Variants in HS6ST3 observed in about 807,000 individuals in gnomAD.
The protein encoded by HS6ST3 is heparan sulfate 6-O-sulfotransferase 3.
HS6ST3 carries 12 observed loss-of-function variants against 36.7 expected under a neutral mutation model. The ratio of observed to expected loss-of-function variants is 0.33; its 90% confidence interval spans 0.21 to 0.53. The LOEUF (loss-of-function observed/expected upper bound fraction) is 0.53, where lower values mean the gene tolerates loss of function less well. HS6ST3 is among the 20% of genes least tolerant of loss of function. The probability of loss-of-function intolerance (pLI) is 0.95; values close to 1 mark genes in which losing one functional copy is unlikely to be tolerated. For synonymous variants in HS6ST3, 240 were observed against 257.5 expected (o/e 0.93, Z 0.65); for missense variants, 584 against 640.9 (o/e 0.91, Z 0.96).
At chr13:96,523,646 A>T (rs950345854) in intron 1 of HS6ST3, among the ~76,000 whole-genome samples, 1 of 151,356 alleles carries the variant, frequency 6.6e-6, no homozygotes, top group Non-Finnish European at 1.5e-5. Context: ...CCTTTCTTCC[A>T]CTTGATTGAA....
intron 1 of HS6ST3, among the ~76,000 whole-genome samples, chr13:96,508,376 T>A (rs539362033): frequency 5.3e-5 from 8 of 152,106 alleles, no homozygotes; most frequent in African/African-American, 1.9e-4. Flanking sequence ...CTGGCATAAT[T>A]TTCTTTTTTC....
At chr13:96,093,520 C>T (rs2053775175) in intron 1 of HS6ST3, among the ~76,000 whole-genome samples, 1 of 152,026 alleles carries the variant, frequency 6.6e-6, no homozygotes, top group South Asian at 2.1e-4. Flanking sequence ...TCACTTCTCC[C>T]TGAATCACAG....
At chr13:96,508,494 C>A (rs2056035813) in intron 1 of HS6ST3, among the ~76,000 whole-genome samples, 1 of 152,068 alleles carries the variant, frequency 6.6e-6, no homozygotes, top group South Asian at 2.1e-4. Context: ...TACATCGTAC[C>A]TAATGTGTAG....
chr13:96,639,373 C>T (rs1275593457), intron 1 of HS6ST3, among the ~76,000 whole-genome samples: 1 of 151,886 alleles, frequency 6.6e-6, no homozygotes, highest in African/African-American at 2.4e-5. Context: ...TTACTGTTTG[C>T]ATGATACATC....
chr13:96,822,783 G>A (rs1878564937), intron 1 of HS6ST3, among the ~76,000 whole-genome samples: 1 of 152,170 alleles, frequency 6.6e-6, no homozygotes, highest in Non-Finnish European at 1.5e-5. Context: ...ATCTCAAGAG[G>A]TTGTTTCTTT....
At chr13:96,152,191 C>T (rs2054088099) in intron 1 of HS6ST3, among the ~76,000 whole-genome samples, 1 of 152,140 alleles carries the variant, frequency 6.6e-6, no homozygotes, top group East Asian at 1.9e-4. Flanking sequence ...TCCATGGAGT[C>T]CCACATTATT....
intron 1 of HS6ST3, among the ~76,000 whole-genome samples, chr13:96,414,791 G>T (rs920079239): frequency 2.0e-5 from 3 of 152,124 alleles, no homozygotes; most frequent in African/African-American, 7.2e-5. Context: ...CTTGATTCAT[G>T]TTCTAATACT....
chr13:96,337,115 G>A (rs2055105481), intron 1 of HS6ST3, among the ~76,000 whole-genome samples: 2 of 152,144 alleles, frequency 1.3e-5, no homozygotes, highest in Admixed American at 1.3e-4. Context: ...TGCCCAGGCT[G>A]AAGTGCAGTG....
At chr13:96,323,617 C>A (rs141947960) in intron 1 of HS6ST3, among the ~76,000 whole-genome samples, 1,701 of 152,308 alleles carry the variant, frequency 0.011, 30 homozygotes, top group African/African-American at 0.039. Context: ...CTCTCAGGAC[C>A]TTTGCCCTCC....
intron 1 of HS6ST3, among the ~76,000 whole-genome samples, chr13:96,438,938 G>C (rs1348027901): frequency 6.6e-6 from 1 of 152,010 alleles, no homozygotes; most frequent in African/African-American, 2.4e-5. Flanking sequence ...CATGGTGGCT[G>C]GTACCTGTAT....
chr13:96,601,908 T>C (rs1444043758), intron 1 of HS6ST3, among the ~76,000 whole-genome samples: 1 of 152,216 alleles, frequency 6.6e-6, no homozygotes, highest in Non-Finnish European at 1.5e-5. Context: ...AATCTTTGGC[T>C]TTCTCAGATG....
intron 1 of HS6ST3, among the ~76,000 whole-genome samples, chr13:96,596,137 A>C (rs1372130902): frequency 6.6e-6 from 1 of 151,624 alleles, no homozygotes; most frequent in African/African-American, 2.4e-5. Flanking sequence ...TTATTATATC[A>C]CTCTGTATGT....
chr13:96,726,038 A>G (rs1326975919), intron 1 of HS6ST3, among the ~76,000 whole-genome samples: 2 of 152,090 alleles, frequency 1.3e-5, no homozygotes, highest in East Asian at 1.9e-4. Context: ...GGGTTTCGCC[A>G]TCTTGGCCAG....
At position 96,499,029 on chromosome 13, in the gene HS6ST3, A is replaced by AT. The variant is rs5805974; in HGVS notation, c.708-333444dup. Among the ~76,000 whole-genome samples the AT allele has an allele frequency of 7.4e-3, 943 of 126,844 alleles. 9 individuals carry two copies. Among genetic ancestry groups the AT allele is most frequent in the African/African-American group, 0.019 (699 of 36,198 alleles). 83.2% of individuals were successfully genotyped at this position (126,844 alleles called of 152,430 possible). ...ATTAAACTGGAAAGATTGTTCACAC[A>AT]TTTTTTTTTTTTTTTTTGAGAAGTC... On this transcript the variant is annotated intron_variant, in intron 1 of 1. Transcript: ENST00000376705.
At chr13:96,479,073 A>T (rs1050888592) in intron 1 of HS6ST3, among the ~76,000 whole-genome samples, 3 of 152,206 alleles carry the variant, frequency 2.0e-5, no homozygotes, top group Non-Finnish European at 4.4e-5. Context: ...GTCTGTGTCA[A>T]GGAGCTCTCC....
At chr13:96,321,663 G>T (rs7988675) in intron 1 of HS6ST3, among the ~76,000 whole-genome samples, 20,464 of 151,960 alleles carry the variant, frequency 0.13, 1,595 homozygotes, top group African/African-American at 0.21. Context: ...TTCCATAGTT[G>T]GTCATTTTAG....
chr13:96,429,082 T>C (rs1273830570), intron 1 of HS6ST3, among the ~76,000 whole-genome samples: 6 of 152,214 alleles, frequency 3.9e-5, no homozygotes, highest in African/African-American at 1.4e-4. Context: ...GAAAAGGGCT[T>C]ATTCAGCCAA....
chr13:96,443,214 TTA>T (rs2055681510), intron 1 of HS6ST3, among the ~76,000 whole-genome samples: 1 of 152,080 alleles, frequency 6.6e-6, no homozygotes, highest in African/African-American at 2.4e-5. Context: ...TTTTACATTT[TTA>T]TAAATGTAAA....
chr13:96,741,388 A>G (rs1172316632), intron 1 of HS6ST3, among the ~76,000 whole-genome samples: 3 of 152,200 alleles, frequency 2.0e-5, no homozygotes, highest in Admixed American at 2.0e-4. Context: ...AATCATGGTT[A>G]TTATTATTTT....
Sources: allele counts gnomAD v4.1 joint callset (sites outside exome capture counted in the v4.1 genomes callset), GRCh38; gene constraint gnomAD v4.1.1; transcripts MANE v1.5; gene names NCBI Gene and HGNC (gene_info 2026-07-23, HGNC 2026-07-21).